Variants in L3MBTL3 observed in about 807,000 individuals in gnomAD.
The protein encoded by L3MBTL3 is lethal(3)malignant brain tumor-like protein 3.
A neutral mutation model predicts 102.3 loss-of-function variants in L3MBTL3; 27 were observed. The observed-to-expected ratio is 0.26, with a 90% CI of 0.19 to 0.36. The LOEUF (loss-of-function observed/expected upper bound fraction) is 0.36. L3MBTL3 is among the 10% of genes least tolerant of loss of function. L3MBTL3 has a pLI of 1.00. For missense variants in L3MBTL3, 798 were observed against 955.3 expected (o/e 0.84, Z 2.17); for synonymous variants, 340 against 320.9 (o/e 1.06, Z -0.64).
At chr6:130,052,167 G>A (rs568294888) in intron 6 of L3MBTL3, among the ~76,000 whole-genome samples, 6 of 151,428 alleles carry the variant, frequency 4.0e-5, no homozygotes, top group South Asian at 4.2e-4. Flanking sequence ...GTGCAGTGGC[G>A]TGATCTTGGC....
chr6:130,127,477 G>A (rs189236699), intron 20 of L3MBTL3, among the ~76,000 whole-genome samples: 1 of 152,284 alleles, frequency 6.6e-6, no homozygotes, highest in East Asian at 1.9e-4. Context: ...AGTATATGCT[G>A]TATTTATATA....
intron 19 of L3MBTL3, among the ~76,000 whole-genome samples, chr6:130,117,474 A>G (rs1195665909): frequency 6.6e-6 from 1 of 152,102 alleles, no homozygotes; most frequent in Admixed American, 6.6e-5. Flanking sequence ...GTACTGTAAC[A>G]TTATCCCAGA....
chr6:130,105,348 T>C (rs1032915914), intron 19 of L3MBTL3, among the ~76,000 whole-genome samples: 2 of 152,174 alleles, frequency 1.3e-5, no homozygotes, highest in Non-Finnish European at 2.9e-5. Context: ...GCATTTAAAC[T>C]AAAGGATTGT....
At chr6:130,096,645 A>G (rs1359049269) in intron 18 of L3MBTL3, among the ~76,000 whole-genome samples, 2 of 152,158 alleles carry the variant, frequency 1.3e-5, no homozygotes, top group East Asian at 1.9e-4. Context: ...CCAGCCATTC[A>G]TCAGGACTGC....
At position 130,129,094 on chromosome 6, in the gene L3MBTL3, G is replaced by A. The variant is rs191709399; in HGVS notation, c.1967-4358G>A. On this transcript the variant is annotated intron_variant, in intron 20 of 22. Transcript: ENST00000361794. ...ATTGGTGGTGCTGTGTTCTAAGACT[G>A]GAAGCTACTTTTCAGCTGGTCCTGT... Among the ~76,000 whole-genome samples, 38 of 152,206 alleles carry A rather than the reference G, an allele frequency of 2.5e-4. 1 individual carries two copies. The highest frequency in any genetic ancestry group is 8.4e-4 in the African/African-American group (35 of 41,550).
intron 7 of L3MBTL3, 86 bp from the exon 8 acceptor site, chr6:130,055,085 A>G (rs1781377517): frequency 2.1e-6 from 2 of 937,180 alleles, no homozygotes; most frequent in Non-Finnish European, 3.5e-6. Flanking sequence ...AGAACAACAG[A>G]AAAAGTGCTT....
intron 20 of L3MBTL3, among the ~76,000 whole-genome samples, chr6:130,123,675 ATTTCT>A (rs1220898384): frequency 6.6e-6 from 1 of 152,094 alleles, no homozygotes; most frequent in Non-Finnish European, 1.5e-5. Context: ...TTAGCCTTAG[ATTTCT>A]TTTATCTTTT....
chr6:130,109,125 G>A lies in L3MBTL3; in HGVS notation c.1886+4550G>A, dbSNP rs190496737. ...CTATGATTGATGGGCATTTGGATTG[G>A]TTCCAAGTCTTTGCTATTGTAAATA... On this transcript the variant is annotated intron_variant, in intron 19 of 22. Coordinates refer to ENST00000361794, the MANE Select transcript of L3MBTL3 (RefSeq NM_032438.4). 1.9e-3 allele frequency among the ~76,000 whole-genome samples: 288 copies of A among 152,230 alleles called. 3 individuals are homozygous for A. Among genetic ancestry groups the A allele is most frequent in the Non-Finnish European group, 6.9e-4 (47 of 68,032 alleles).
At chr6:130,116,071 C>T (rs937664942) in intron 19 of L3MBTL3, among the ~76,000 whole-genome samples, 2 of 152,120 alleles carry the variant, frequency 1.3e-5, no homozygotes, top group Admixed American at 6.6e-5. Flanking sequence ...GACAGTCTGA[C>T]TGTAGTCTGT....
chr6:130,076,223 A>G (rs995880592), intron 13 of L3MBTL3, among the ~76,000 whole-genome samples: 6 of 152,148 alleles, frequency 3.9e-5, no homozygotes, highest in Admixed American at 2.0e-4. Flanking sequence ...TGCTTAATGG[A>G]GAGACTTTGA....
intron 10 of L3MBTL3, among the ~76,000 whole-genome samples, chr6:130,061,434 C>T (rs1781898737): frequency 6.6e-6 from 1 of 152,280 alleles, no homozygotes; most frequent in South Asian, 2.1e-4. Context: ...AGAACCCTTT[C>T]CCTCCCATTT....
intron 2 of L3MBTL3, among the ~76,000 whole-genome samples, chr6:130,030,710 A>T (rs1380817309): frequency 6.8e-6 from 1 of 146,918 alleles, no homozygotes; most frequent in Non-Finnish European, 1.5e-5. Flanking sequence ...AAACCCAGGC[A>T]CTGGGGCTCC....
intron 22 of L3MBTL3, chr6:130,138,174 T>A (rs1385599516): frequency 1.3e-5 from 2 of 152,190 alleles, no homozygotes; most frequent in African/African-American, 2.4e-5. Context: ...AAGTAGCAAT[T>A]TAATTATATC....
chr6:130,064,163 G>T (rs1301864918), intron 10 of L3MBTL3, among the ~76,000 whole-genome samples: 1 of 152,148 alleles, frequency 6.6e-6, no homozygotes, highest in Admixed American at 6.5e-5. Context: ...ATGTCACCAG[G>T]CAAATATTTT....
rs759380435 is a variant in L3MBTL3 at position 130,133,508 on chromosome 6, T to C, written c.2023T>C (p.Ser675Pro). 1.2e-6 allele frequency: 2 copies of C among 1,614,126 alleles called. No individual in the cohort carries two copies. The highest frequency in any genetic ancestry group is 1.1e-5 in the South Asian group (1 of 91,080). Residue 675 changes from serine to proline, a missense_variant, in exon 21 of 23, where the codon TCC becomes CCC. This residue lies in a region of L3MBTL3 where 306 missense variants were observed against 314.4 expected (regional missense o/e 0.97). Coordinates refer to ENST00000361794, the MANE Select transcript of L3MBTL3 (RefSeq NM_032438.4). The surrounding 1 kb of genome is among the most constrained non-coding windows in gnomAD (Gnocchi z 4.9). ...ACAGCGTCGGTCAGCTGTCTTTCTG[T>C]CCTTTAAGTCCCCAATTCCATGTCT... ...QAQRRSAVFL[S>P]FKSPIPCLPL...
At chr6:130,100,933 C>G (rs973386993) in intron 18 of L3MBTL3, among the ~76,000 whole-genome samples, 9 of 152,080 alleles carry the variant, frequency 5.9e-5, no homozygotes, top group African/African-American at 2.2e-4. Flanking sequence ...TCTTCATATA[C>G]AGTAAAATTT....
At chr6:130,131,183 A>G (rs1194136849) in intron 20 of L3MBTL3, among the ~76,000 whole-genome samples, 1 of 152,046 alleles carries the variant, frequency 6.6e-6, no homozygotes, top group African/African-American at 2.4e-5. Flanking sequence ...TCTATTGGAA[A>G]TTTGTCTAGT....
chr6:130,064,879 T>C (rs932032807), intron 10 of L3MBTL3, among the ~76,000 whole-genome samples: 2 of 152,164 alleles, frequency 1.3e-5, no homozygotes, highest in Non-Finnish European at 2.9e-5. Flanking sequence ...CTCAGAACGG[T>C]GTGCCCACAA....
At chr6:130,065,891 C>A (rs146674598) in intron 10 of L3MBTL3, among the ~76,000 whole-genome samples, 18 of 151,896 alleles carry the variant, frequency 1.2e-4, no homozygotes, top group African/African-American at 4.1e-4. Flanking sequence ...TCTTCCAACC[C>A]AGCTTTGGTG....
Sources: allele counts gnomAD v4.1 joint callset (sites outside exome capture counted in the v4.1 genomes callset), GRCh38; gene constraint gnomAD v4.1.1; regional missense constraint gnomAD v4.1.1; non-coding constraint Gnocchi (gnomAD v3.1); transcripts MANE v1.5; gene names NCBI Gene and HGNC (gene_info 2026-07-23, HGNC 2026-07-21).